ZDHHC20: variants seen among roughly 807,000 people sequenced by gnomAD.
The protein encoded by ZDHHC20 is zDHHC palmitoyltransferase 20, also known as palmitoyltransferase ZDHHC20.
Under a neutral mutation model 57.8 loss-of-function variants are expected in ZDHHC20, and 43 were observed. The observed-to-expected ratio is 0.74, with a 90% CI of 0.58 to 0.96. The LOEUF is 0.96. Among genes scored for constraint, ZDHHC20 ranks in the 40% least tolerant of loss-of-function variants. The probability of loss-of-function intolerance (pLI) is 0.00; values close to 1 mark genes in which losing one functional copy is unlikely to be tolerated. For synonymous variants in ZDHHC20, 157 were observed against 153.0 expected (o/e 1.03, Z -0.19); for missense variants, 391 against 441.1 (o/e 0.89, Z 1.02).
At chr13:21,410,380 G>A (rs896236913) in intron 4 of ZDHHC20, among the ~76,000 whole-genome samples, 18 of 152,208 alleles carry the variant, frequency 1.2e-4, no homozygotes, top group African/African-American at 4.3e-4. Flanking sequence ...AGCAGAGCTC[G>A]AGTACTGTGC....
intron 1 of ZDHHC20, among the ~76,000 whole-genome samples, chr13:21,429,893 T>G (rs1009592595): frequency 6.6e-6 from 1 of 152,214 alleles, no homozygotes; most frequent in Non-Finnish European, 1.5e-5. Flanking sequence ...TGCTGTTCAG[T>G]TGACTTTTTA....
Position 21,374,740 on chromosome 13 carries a change from C to T in ZDHHC20, c.*1956G>A. On this transcript the variant is annotated 3_prime_UTR_variant, in exon 13 of 13. Transcript: ENST00000400590. ...GATGGAAATTAGGCCAAATTATAAACAAATTATAAACCTACAGTAGCAACC... is the reference window on the plus strand; with the variant it reads ...GATGGAAATTAGGCCAAATTATAAATAAATTATAAACCTACAGTAGCAACC... The T allele has an allele frequency of 4.2e-6, 1 of 239,526 alleles. No individual in the cohort carries two copies. Among genetic ancestry groups the T allele is most frequent in the East Asian group, 1.0e-4 (1 of 9,728 alleles). 14.8% of individuals were successfully genotyped at this position (239,526 alleles called of 1,614,324 possible).
At chr13:21,447,498 G>A (rs1397661387) in intron 1 of ZDHHC20, among the ~76,000 whole-genome samples, 5 of 146,240 alleles carry the variant, frequency 3.4e-5, no homozygotes, top group Non-Finnish European at 6.1e-5. Flanking sequence ...TGGCCGGGCC[G>A]GTCTCCAGCC....
chr13:21,426,461 C>T (rs1881260997), intron 1 of ZDHHC20, among the ~76,000 whole-genome samples: 1 of 152,178 alleles, frequency 6.6e-6, no homozygotes, highest in Non-Finnish European at 1.5e-5. Context: ...CACACCACCA[C>T]CACTAGCAAA....
At chr13:21,377,023 C>A (rs9580094) in intron 12 of ZDHHC20, 84,848 of 163,886 alleles carry the variant, frequency 0.52, 22,587 homozygotes, top group Non-Finnish European at 0.59. Flanking sequence ...GATTCTCAAC[C>A]ACCACAAGCA....
intron 12 of ZDHHC20, chr13:21,377,939 C>A (rs1248405702): frequency 6.6e-6 from 1 of 152,266 alleles, no homozygotes; most frequent in Non-Finnish European, 1.5e-5. Flanking sequence ...CTTTTACAAA[C>A]CATATAACAT....
At chr13:21,418,589 A>G (rs1566093104) in intron 3 of ZDHHC20, among the ~76,000 whole-genome samples, 1 of 152,132 alleles carries the variant, frequency 6.6e-6, no homozygotes, top group Non-Finnish European at 1.5e-5. Context: ...GAAAGTCTCC[A>G]AAGTCACACA....
In ZDHHC20 at chr13:21,418,419, G is replaced by A. The variant is rs552913351; in HGVS notation, c.249+2642C>T. Reference sequence around the variant, plus strand: ...AACAACATTTTGATGGTACTTATTAGGTGCTAAGCATTCTTCTGAGCCCTT... The same window carrying A: ...AACAACATTTTGATGGTACTTATTAAGTGCTAAGCATTCTTCTGAGCCCTT... On this transcript the variant is annotated intron_variant, in intron 3 of 12. Coordinates refer to ENST00000400590, the MANE Select transcript of ZDHHC20 (RefSeq NM_001330059.2). Among the ~76,000 whole-genome samples, 16 of 152,224 alleles carry A rather than the reference G, an allele frequency of 1.1e-4. No individual in the cohort carries two copies. The South Asian group carries it at 3.3e-3, about 32-fold the overall frequency.
chr13:21,425,906 C>T (rs565284138), intron 1 of ZDHHC20, among the ~76,000 whole-genome samples: 13 of 152,216 alleles, frequency 8.5e-5, no homozygotes, highest in African/African-American at 3.1e-4. Context: ...TAAATGTTTT[C>T]AGAACTTTAT....
intron 8 of ZDHHC20, among the ~76,000 whole-genome samples, chr13:21,389,450 A>G (rs1402227417): frequency 6.6e-6 from 1 of 152,210 alleles, no homozygotes; most frequent in Non-Finnish European, 1.5e-5. Context: ...TATACTGCAT[A>G]TAGTAGAGAT....
chr13:21,417,187 A>C (rs994143721), intron 3 of ZDHHC20, among the ~76,000 whole-genome samples: 1 of 151,354 alleles, frequency 6.6e-6, no homozygotes, highest in African/African-American at 2.5e-5. Context: ...TGACTATACT[A>C]TCTAAAGTAG....
At chr13:21,415,258 G>A (rs1222525078) in intron 3 of ZDHHC20, among the ~76,000 whole-genome samples, 1 of 152,176 alleles carries the variant, frequency 6.6e-6, no homozygotes, top group Non-Finnish European at 1.5e-5. Flanking sequence ...CGGGTCTTCT[G>A]TGTTCTACTC....
chr13:21,416,200 T>C lies in ZDHHC20; in HGVS notation c.250-2428A>G, dbSNP rs1210797502. 4.1e-5 allele frequency among the ~76,000 whole-genome samples: 4 copies of C among 96,584 alleles called. No individual in the cohort carries two copies. The Admixed American group carries it at 5.1e-4, about 12-fold the overall frequency. 63.4% of individuals were successfully genotyped at this position (96,584 alleles called of 152,430 possible). A position where few individuals can be genotyped will look rare whatever the true frequency, so the allele number is the denominator to read the frequency against. ...AGCCTGGTGACAGAGTGAGACTCCA[T>C]CTCAAAAAAAAAAAAAAAAAAAAGA... On this transcript the variant is annotated intron_variant, in intron 3 of 12. Transcript: ENST00000400590.
intron 1 of ZDHHC20, among the ~76,000 whole-genome samples, chr13:21,430,523 G>C (rs935204026): frequency 1.3e-5 from 2 of 151,958 alleles, no homozygotes; most frequent in Non-Finnish European, 2.9e-5. Flanking sequence ...GGGGGGTCTT[G>C]TTACAGCTGG....
chr13:21,400,488 T>C lies in ZDHHC20; in HGVS notation c.479A>G (p.Asn160Ser). ...GTAATTAGAAAATCCCACACAGTTA[T>C]TCACCCTGGAAAAATAAAGAAAGCC... is the stretch of plus-strand genomic sequence containing the variant. ...LKMDHHCPWV[N>S]NCVGFSNYKF... is the part of the protein sequence containing the mutation. Residue 160 changes from asparagine (N) to serine (S), a missense_variant, in exon 7 of 13, where the codon AAT (asparagine) becomes AGT (serine). Physicochemically the swap from Asn to Ser is conservative, Grantham distance 46 (BLOSUM62 1). Around this residue, in one of 3 missense-constraint regions of ZDHHC20, gnomAD observed 9 missense variants for 32.2 expected, o/e 0.28. Transcript: ENST00000400590. The C allele has an allele frequency of 1.3e-6, 2 of 1,546,744 alleles. No homozygotes were observed. Among genetic ancestry groups the C allele is most frequent in the Non-Finnish European group, 8.7e-7 (1 of 1,148,112 alleles).
chr13:21,393,749 G>T (rs1876257723), intron 7 of ZDHHC20, among the ~76,000 whole-genome samples: 2 of 139,810 alleles, frequency 1.4e-5, no homozygotes, highest in Non-Finnish European at 3.1e-5. Context: ...TCTCACTAAG[G>T]CACCAGAGCT....
At chr13:21,415,168 AGTT>A (rs1489896936) in intron 3 of ZDHHC20, among the ~76,000 whole-genome samples, 1 of 152,192 alleles carries the variant, frequency 6.6e-6, no homozygotes, top group Non-Finnish European at 1.5e-5. Flanking sequence ...GAGAGCTCTG[AGTT>A]GAGGAAATTA....
intron 4 of ZDHHC20, chr13:21,404,294 C>T (rs1283782196): frequency 6.0e-6 from 3 of 498,786 alleles, no homozygotes; most frequent in South Asian, 4.4e-5. Context: ...GCCGACTTCC[C>T]CTGTCCAGCT....
At chr13:21,452,602 T>C (rs1884553049) in intron 1 of ZDHHC20, among the ~76,000 whole-genome samples, 1 of 152,166 alleles carries the variant, frequency 6.6e-6, no homozygotes. Context: ...AAACTATTAA[T>C]ATAATCAACT....
Sources: gnomAD v4.1 joint callset for allele counts (sites outside exome capture counted in the v4.1 genomes callset) on GRCh38, gnomAD v4.1.1 for gene constraint, gnomAD v4.1.1 regional missense constraint, MANE v1.5 for transcripts, NCBI Gene and HGNC (gene_info 2026-07-23, HGNC 2026-07-21) for gene names.